FAM229B: variants seen among roughly 807,000 people sequenced by gnomAD.
The protein encoded by FAM229B is protein FAM229B.
In FAM229B, 2 loss-of-function variants were observed where a neutral mutation model predicts 6.7. The observed-to-expected ratio is 0.30, with a 90% confidence interval of 0.12 to 0.94. The LOEUF (loss-of-function observed/expected upper bound fraction) is 0.94, where lower values mean the gene tolerates loss of function less well. FAM229B is among the 40% of genes least tolerant of loss of function. FAM229B has a pLI of 0.54. For synonymous variants in FAM229B, 29 were observed against 34.0 expected (o/e 0.85, Z 0.51); for missense variants, 93 against 96.2 (o/e 0.97, Z 0.14).
At chr6:112,097,486 T>A (rs1046405951) in intron 2 of FAM229B, among the ~76,000 whole-genome samples, 1 of 152,090 alleles carries the variant, frequency 6.6e-6, no homozygotes, top group Non-Finnish European at 1.5e-5. Flanking sequence ...CTTTGTGTAC[T>A]AATAGTTGAA....
intron 1 of FAM229B, among the ~76,000 whole-genome samples, chr6:112,095,662 CAAAAAA>C (rs376039549): frequency 0.071 from 5,493 of 77,876 alleles, 376 homozygotes; most frequent in African/African-American, 0.23. Flanking sequence ...AAAAAAAAAC[CAAAAAA>C]AAAAAAAAAG....
rs1210822871 is a variant in FAM229B, at chr6:112,102,082, T to C, written c.*1295T>C. On this transcript the variant is annotated 3_prime_UTR_variant, in exon 4 of 4. Transcript: ENST00000368656. ...ATGATCTCTAAGTAACCTCATTTTA[T>C]CTGCCAAATAAAAATAGAACATTCC... 1 of 152,190 alleles carries C rather than the reference T, an allele frequency of 6.6e-6. No homozygotes were observed. Among genetic ancestry groups the C allele is most frequent in the East Asian group, 1.9e-4 (1 of 5,202 alleles). 9.4% of individuals were successfully genotyped at this position (152,190 alleles called of 1,614,324 possible). A position where few individuals can be genotyped will look rare whatever the true frequency, so the allele number is the denominator to read the frequency against.
At position 112,101,035 on chromosome 6, in the gene FAM229B, T is replaced by C. The variant is rs587730925; in HGVS notation, c.*248T>C. 3.0e-6 allele frequency: 1 copy of C among 333,704 alleles called. No individual in the cohort carries two copies. Among genetic ancestry groups the C allele is most frequent in the East Asian group, 5.4e-5 (1 of 18,350 alleles). 20.7% of individuals were successfully genotyped at this position (333,704 alleles called of 1,614,324 possible). On this transcript the variant is annotated 3_prime_UTR_variant, in exon 4 of 4. Coordinates refer to ENST00000368656, the MANE Select transcript of FAM229B (RefSeq NM_001033564.3). ...GAAAGTACCTTAGAGATCATCTTGC[T>C]CACAGTAGATCATTAATATCAATAA...
chr6:112,087,658 A>C lies in FAM229B; in HGVS notation c.-238A>C. ...TAGCGACTGGGCTTCTGGACTGTAT[A>C]TCCTAGCTGCCTTGTCAACATCTTC... On this transcript the variant is annotated 5_prime_UTR_variant, in exon 1 of 4. Transcript: ENST00000368656. 1.9e-6 allele frequency: 1 copy of C among 528,862 alleles called. No individual in the cohort carries two copies. Among genetic ancestry groups the C allele is most frequent in the Admixed American group, 3.5e-5 (1 of 28,444 alleles). 32.8% of individuals were successfully genotyped at this position (528,862 alleles called of 1,614,324 possible). A position where few individuals can be genotyped will look rare whatever the true frequency, so the allele number is the denominator to read the frequency against.
At chr6:112,091,386 C>T (rs926801632) in intron 1 of FAM229B, among the ~76,000 whole-genome samples, 8 of 152,090 alleles carry the variant, frequency 5.3e-5, no homozygotes, top group African/African-American at 9.7e-5. Flanking sequence ...TGGAAATAAG[C>T]GGGCAGAACA....
rs1367725061 is a variant in FAM229B at position 112,100,843 on chromosome 6, A to G, written c.*56A>G. On this transcript the variant is annotated 3_prime_UTR_variant, in exon 4 of 4. Transcript: ENST00000368656. Reference sequence around the variant, plus strand: ...AGGTCAAGGGTAATGGACCAGTATCATCTGGTGATCTGGTAAACAAATAAA... The same window carrying G: ...AGGTCAAGGGTAATGGACCAGTATCGTCTGGTGATCTGGTAAACAAATAAA... 8.4e-7 allele frequency: 1 copy of G among 1,197,440 alleles called. No individual in the cohort carries two copies. Among genetic ancestry groups the G allele is most frequent in the East Asian group, 2.3e-5 (1 of 42,852 alleles). The allele number at this position is 1,197,440 out of a possible 1,614,324, so 74.2% of individuals were successfully genotyped here.
At chr6:112,090,799 A>G (rs369693467) in intron 1 of FAM229B, among the ~76,000 whole-genome samples, 29 of 152,286 alleles carry the variant, frequency 1.9e-4, no homozygotes, top group African/African-American at 6.3e-4. Context: ...TACATTGTGG[A>G]ATGATTAAAT....
At chr6:112,092,623 T>TA in intron 1 of FAM229B, among the ~76,000 whole-genome samples, 3 of 152,136 alleles carry the variant, frequency 2.0e-5, no homozygotes, top group African/African-American at 7.2e-5. Context: ...CTGAAAATGA[T>TA]AAAAATGTAG....
intron 1 of FAM229B, among the ~76,000 whole-genome samples, chr6:112,095,647 A>C (rs1777313003): frequency 1.4e-5 from 2 of 143,570 alleles, no homozygotes; most frequent in Non-Finnish European, 3.0e-5. Context: ...AAAAAAAAAA[A>C]AAAAAAAAAA....
chr6:112,100,889 A>T lies in FAM229B; in HGVS notation c.*102A>T, dbSNP rs1214654066. ...ATAAAAGTGGTGGCACCTTTAGATG[A>T]TGACAACAGTTGAGCTCTTTACTTT... On this transcript the variant is annotated 3_prime_UTR_variant, in exon 4 of 4. Coordinates refer to ENST00000368656, the MANE Select transcript of FAM229B (RefSeq NM_001033564.3). 3 of 845,972 alleles carry T rather than the reference A, an allele frequency of 3.5e-6. No homozygotes were observed. The highest frequency in any genetic ancestry group is 2.4e-5 in the East Asian group (1 of 41,242). 52.4% of individuals were successfully genotyped at this position (845,972 alleles called of 1,614,324 possible).
At chr6:112,095,988 A>G (rs1338640573) in intron 1 of FAM229B, among the ~76,000 whole-genome samples, 3 of 152,234 alleles carry the variant, frequency 2.0e-5, no homozygotes, top group Non-Finnish European at 4.4e-5. Flanking sequence ...AGTTTTCTAT[A>G]ACTTGAGTCA....
At chr6:112,090,228 C>T (rs1554318048) in intron 1 of FAM229B, among the ~76,000 whole-genome samples, 1 of 152,178 alleles carries the variant, frequency 6.6e-6, no homozygotes, top group East Asian at 1.9e-4. Flanking sequence ...TTCTTGCTTG[C>T]ACACCGCCAT....
intron 2 of FAM229B, among the ~76,000 whole-genome samples, chr6:112,099,035 T>A (rs1554318938): frequency 2.0e-5 from 3 of 152,232 alleles, no homozygotes; most frequent in Non-Finnish European, 2.9e-5. Flanking sequence ...TGTGTGCACC[T>A]GTAGTTCCAG....
rs782151305 is a variant in FAM229B at position 112,099,414 on chromosome 6, G to A, written c.125+6G>A. ...AAGGAGATGTCACCAACCAGGTAAA[G>A]TCTTCTGTCCTCACAAGTGAGGAGA... is the stretch of plus-strand genomic sequence containing the variant. On this transcript the variant is annotated splice_donor_region_variant and intron_variant, in intron 3 of 3. Coordinates refer to ENST00000368656, the MANE Select transcript of FAM229B (RefSeq NM_001033564.3). The A allele has an allele frequency of 8.7e-6, 14 of 1,612,340 alleles. No homozygotes were observed. The East Asian group carries it at 1.1e-4, about 13-fold the overall frequency.
At chr6:112,090,979 C>T (rs1353079195) in intron 1 of FAM229B, among the ~76,000 whole-genome samples, 1 of 151,892 alleles carries the variant, frequency 6.6e-6, no homozygotes, top group Non-Finnish European at 1.5e-5. Flanking sequence ...TTATTGTATC[C>T]GTTGGACATC....
chr6:112,095,038 A>G (rs1777303567), intron 1 of FAM229B, among the ~76,000 whole-genome samples: 1 of 152,180 alleles, frequency 6.6e-6, no homozygotes, highest in African/African-American at 2.4e-5. Flanking sequence ...TGGTATGCCA[A>G]ATGGACTAGT....
chr6:112,091,479 G>C (rs12110799), intron 1 of FAM229B, among the ~76,000 whole-genome samples: 2,213 of 152,254 alleles, frequency 0.015, 59 homozygotes, highest in African/African-American at 0.051. Context: ...CTGGAACATT[G>C]AGTTGAGTAC....
At chr6:112,092,649 A>G (rs1284886475) in intron 1 of FAM229B, among the ~76,000 whole-genome samples, 1 of 152,088 alleles carries the variant, frequency 6.6e-6, no homozygotes, top group Non-Finnish European at 1.5e-5. Flanking sequence ...TATAGAAGGC[A>G]TCTCTTGTTT....
intron 1 of FAM229B, among the ~76,000 whole-genome samples, chr6:112,093,135 T>G (rs1477504846): frequency 2.6e-5 from 4 of 151,890 alleles, no homozygotes; most frequent in African/African-American, 9.7e-5. Flanking sequence ...GACTCAAATA[T>G]ATACTGCTTA....
Sources: gnomAD v4.1 joint callset for allele counts (sites outside exome capture counted in the v4.1 genomes callset) on GRCh38, gnomAD v4.1.1 for gene constraint, MANE v1.5 for transcripts, NCBI Gene and HGNC (gene_info 2026-07-23, HGNC 2026-07-21) for gene names.